The following TCERG1 variants were observed in gnomAD, a reference collection of about 807,000 sequenced individuals.
TCERG1 encodes the protein TATA box binding protein (TBP)-associated factor, RNA polymerase II, S, 150kD.
TCERG1 carries 37 observed loss-of-function variants against 144.7 expected under a neutral mutation model. The observed-to-expected ratio is 0.26, with a 90% CI of 0.20 to 0.34. The LOEUF (loss-of-function observed/expected upper bound fraction) is 0.34, where lower values mean the gene tolerates loss of function less well. TCERG1 is among the 10% of genes least tolerant of loss of function. The pLI is 1.00. For synonymous variants in TCERG1, 492 were observed against 458.2 expected (o/e 1.07, Z -0.94); for missense variants, 1,027 against 1,380.7 (o/e 0.74, Z 4.06).
At chr5:146,501,328 G>A (rs1173362281) in intron 17 of TCERG1, among the ~76,000 whole-genome samples, 1 of 140,754 alleles carries the variant, frequency 7.1e-6, no homozygotes, top group Non-Finnish European at 1.5e-5. Context: ...GCAGCTGTCA[G>A]GCAATTGTTC....
At chr5:146,452,651 A>G (rs892803375) in intron 1 of TCERG1, among the ~76,000 whole-genome samples, 12 of 152,222 alleles carry the variant, frequency 7.9e-5, no homozygotes, top group Admixed American at 7.2e-4. Flanking sequence ...GTGCAGTGGC[A>G]CAATCTCGGC....
At chr5:146,490,178 T>TA (rs532215145) in intron 15 of TCERG1, among the ~76,000 whole-genome samples, 1 of 152,192 alleles carries the variant, frequency 6.6e-6, no homozygotes, top group Non-Finnish European at 1.5e-5. Flanking sequence ...GAAGATGACT[T>TA]ACATGTCTAG....
chr5:146,469,080 C>T (rs924642291), intron 6 of TCERG1, among the ~76,000 whole-genome samples: 4 of 152,006 alleles, frequency 2.6e-5, no homozygotes, highest in Non-Finnish European at 5.9e-5. Context: ...AGTCGATAAA[C>T]TCAGTCATTT....
intron 9 of TCERG1, among the ~76,000 whole-genome samples, chr5:146,474,216 C>T (rs1764617911): frequency 6.6e-6 from 1 of 152,070 alleles, no homozygotes. Flanking sequence ...GAAGTTGATA[C>T]CAACTCTCAT....
Position 146,510,703 on chromosome 5 carries a change from T to G in TCERG1, c.*61T>G. 1 of 1,535,586 alleles carries G rather than the reference T, an allele frequency of 6.5e-7. No homozygotes were observed. Among genetic ancestry groups the G allele is most frequent in the Non-Finnish European group, 8.8e-7 (1 of 1,131,850 alleles). On this transcript the variant is annotated 3_prime_UTR_variant, in exon 23 of 23. Coordinates refer to ENST00000679501, the MANE Select transcript of TCERG1 (RefSeq NM_001382548.1). ...ATGCTTGCATGAGCCAATTTTCAGG[T>G]TTTTACATATATGTGCATTAGTCAA...
At chr5:146,494,560 T>C (rs879480952) in intron 16 of TCERG1, among the ~76,000 whole-genome samples, 1 of 152,162 alleles carries the variant, frequency 6.6e-6, no homozygotes, top group Non-Finnish European at 1.5e-5. Flanking sequence ...AAGGGCATTG[T>C]CCTGTATTGT....
intron 9 of TCERG1, among the ~76,000 whole-genome samples, chr5:146,477,285 C>G: frequency 6.6e-6 from 1 of 151,404 alleles, no homozygotes; most frequent in East Asian, 1.9e-4. Flanking sequence ...AAGTTTTTTA[C>G]TATCTTAACA....
At chr5:146,454,124 C>G (rs1188060747) in intron 1 of TCERG1, among the ~76,000 whole-genome samples, 2 of 151,560 alleles carry the variant, frequency 1.3e-5, no homozygotes, top group Admixed American at 6.6e-5. Flanking sequence ...TCGCCTGAAC[C>G]CGGGAGGCGG....
intron 14 of TCERG1, 108 bp downstream of exon 14, chr5:146,482,835 T>A: frequency 3.9e-6 from 5 of 1,295,320 alleles, no homozygotes; most frequent in Non-Finnish European, 5.0e-6. Context: ...TGGGGGGGGA[T>A]AAGGGGATTT....
rs992212980 is a variant in TCERG1, at chr5:146,510,765, C to T, written c.*123C>T. 2 of 880,502 alleles carry T rather than the reference C, an allele frequency of 2.3e-6. No individual in the cohort carries two copies. The highest frequency in any genetic ancestry group is 3.3e-6 in the Non-Finnish European group (2 of 602,050). The allele number at this position is 880,502 out of a possible 1,614,324, so 54.5% of individuals were successfully genotyped here. ...ACCATCTGACAAACAGAAGGAGAAG[C>T]ATTTGTGAACAGTTTCTGAACAGAA... On this transcript the variant is annotated 3_prime_UTR_variant, in exon 23 of 23. Transcript: ENST00000679501.
intron 17 of TCERG1, among the ~76,000 whole-genome samples, chr5:146,501,646 G>T (rs1767461857): frequency 6.6e-6 from 1 of 152,094 alleles, no homozygotes; most frequent in Non-Finnish European, 1.5e-5. Flanking sequence ...CATCATGTCA[G>T]ATACAAAGTA....
At chr5:146,458,003 T>C (rs897100182) in intron 3 of TCERG1, among the ~76,000 whole-genome samples, 31 of 151,820 alleles carry the variant, frequency 2.0e-4, no homozygotes, top group African/African-American at 7.3e-4. Context: ...GCACCTGCCA[T>C]CATGCTCGGC....
chr5:146,451,307 C>T (rs1033851047), intron 1 of TCERG1, among the ~76,000 whole-genome samples: 6 of 148,080 alleles, frequency 4.1e-5, no homozygotes, highest in Middle Eastern at 3.4e-3. Flanking sequence ...TATTTTGATG[C>T]GATCCATATT....
At chr5:146,479,233 T>A (rs1765121643) in intron 10 of TCERG1, among the ~76,000 whole-genome samples, 1 of 152,152 alleles carries the variant, frequency 6.6e-6, no homozygotes. Context: ...TTGATATGAT[T>A]GTGTTTTTAT....
At chr5:146,506,035 G>A (rs529128386) in intron 19 of TCERG1, among the ~76,000 whole-genome samples, 241 of 151,998 alleles carry the variant, frequency 1.6e-3, no homozygotes, top group African/African-American at 5.7e-3. Context: ...CCTCCCAAAG[G>A]GCTGGGATTA....
At chr5:146,448,028 G>A (rs879621795) in intron 1 of TCERG1, among the ~76,000 whole-genome samples, 26 of 152,114 alleles carry the variant, frequency 1.7e-4, no homozygotes, top group African/African-American at 6.0e-4. Flanking sequence ...GGCACTTACC[G>A]TGTGCCAGTA....
Position 146,480,083 on chromosome 5 carries a change from A to G in TCERG1, c.1875A>G (p.Ala625=), listed in dbSNP as rs756300957. The G allele has an allele frequency of 3.8e-6, 6 of 1,593,006 alleles. 1 individual carries two copies. In the South Asian group the frequency reaches 6.9e-5, roughly 18 times the overall value. ...EEINEDEPVK[A]KKRKRMSKKS... is the part of the protein sequence containing the mutation. ...TTAATGAAGATGAGCCTGTTAAAGC[A>G]AAAAAACGGAAGTAAGTAATACATA... Residue 625 remains alanine, a synonymous_variant, in exon 12 of 23, where the codon GCA becomes GCG. Coordinates refer to ENST00000679501, the MANE Select transcript of TCERG1 (RefSeq NM_001382548.1).
chr5:146,510,191 C>A, intron 22 of TCERG1: 2 of 956,740 alleles, frequency 2.1e-6, no homozygotes, highest in Non-Finnish European at 2.9e-6. Context: ...ACCCACCCAC[C>A]CTCAGCCCTG....
chr5:146,478,828 G>A (rs1479544046), intron 10 of TCERG1, among the ~76,000 whole-genome samples, 175 bp downstream of exon 10: 1 of 152,152 alleles, frequency 6.6e-6, no homozygotes, highest in African/African-American at 2.4e-5. Context: ...AATATGGAGA[G>A]AATTTGGATA....
Sources: allele counts gnomAD v4.1 joint callset (sites outside exome capture counted in the v4.1 genomes callset), GRCh38; gene constraint gnomAD v4.1.1; transcripts MANE v1.5; gene names NCBI Gene and HGNC (gene_info 2026-07-23, HGNC 2026-07-21).